The following LRMDA variants were observed in gnomAD, a reference collection of about 807,000 sequenced individuals.
The protein encoded by LRMDA is leucine-rich melanocyte differentiation-associated protein.
LRMDA carries 18 observed loss-of-function variants against 29.8 expected under a neutral mutation model. The ratio of observed to expected loss-of-function variants is 0.60; its 90% CI spans 0.42 to 0.90. LRMDA has a LOEUF of 0.90. LRMDA is among the 40% of genes least tolerant of loss of function. The pLI, the probability that LRMDA is intolerant of heterozygous loss-of-function variation, is 0.00. For synonymous variants in LRMDA, 125 were observed against 109.4 expected (o/e 1.14, Z -0.89); for missense variants, 273 against 273.9 (o/e 1.00, Z 0.02).
chr10:75,493,272 G>A lies in LRMDA; in HGVS notation c.131+54778G>A, dbSNP rs111658030. Among the ~76,000 whole-genome samples the A allele has an allele frequency of 2.0e-5, 3 of 151,990 alleles. 1 individual carries two copies. The highest frequency in any genetic ancestry group is 7.2e-5 in the African/African-American group (3 of 41,434). ...TTGGAGAACAAGTTTTCCTAGGTTGGGAAGTGAGCGGAATTCTTACAAGTT... is the reference window on the plus strand; with the variant it reads ...TTGGAGAACAAGTTTTCCTAGGTTGAGAAGTGAGCGGAATTCTTACAAGTT... On this transcript the variant is annotated intron_variant, in intron 2 of 6. Coordinates refer to ENST00000611255, the MANE Select transcript of LRMDA (RefSeq NM_001305581.2).
chr10:75,814,351 C>A (rs1844019746), intron 2 of LRMDA, among the ~76,000 whole-genome samples: 1 of 152,176 alleles, frequency 6.6e-6, no homozygotes. Flanking sequence ...GCTTGTTTCC[C>A]TGGGTGGTAC....
At chr10:76,210,032 C>G (rs1851607961) in intron 5 of LRMDA, among the ~76,000 whole-genome samples, 1 of 152,186 alleles carries the variant, frequency 6.6e-6, no homozygotes, top group Non-Finnish European at 1.5e-5. Context: ...AGATTTACCA[C>G]CTTCTCCCCA....
At chr10:75,702,333 G>A (rs1184594242) in intron 2 of LRMDA, among the ~76,000 whole-genome samples, 1 of 152,196 alleles carries the variant, frequency 6.6e-6, no homozygotes. Flanking sequence ...GATAGATGAA[G>A]CTTTTCAAGA....
intron 6 of LRMDA, among the ~76,000 whole-genome samples, chr10:76,525,862 G>A (rs547354344): frequency 6.6e-6 from 1 of 152,098 alleles, no homozygotes; most frequent in South Asian, 2.1e-4. Flanking sequence ...TGACCTGTTT[G>A]TCTCTGTATC....
chr10:75,591,241 C>T (rs1289663691), intron 2 of LRMDA, among the ~76,000 whole-genome samples: 1 of 152,168 alleles, frequency 6.6e-6, no homozygotes, highest in Non-Finnish European at 1.5e-5. Context: ...CCCCCCACCC[C>T]ATAATCTGAT....
chr10:76,302,420 A>AT (rs1840492683), intron 5 of LRMDA, among the ~76,000 whole-genome samples: 1 of 152,104 alleles, frequency 6.6e-6, no homozygotes, highest in Non-Finnish European at 1.5e-5. Flanking sequence ...GGTCACTTCC[A>AT]TTTTGTGTTT....
intron 6 of LRMDA, among the ~76,000 whole-genome samples, chr10:76,392,532 A>G (rs1841734852): frequency 6.6e-6 from 1 of 152,062 alleles, no homozygotes; most frequent in Non-Finnish European, 1.5e-5. Flanking sequence ...CAGATCTGAA[A>G]ATCAAAAATC....
intron 2 of LRMDA, among the ~76,000 whole-genome samples, chr10:75,991,074 A>C (rs999528586): frequency 6.6e-6 from 1 of 152,212 alleles, no homozygotes; most frequent in African/African-American, 2.4e-5. Flanking sequence ...GAATTGTAAT[A>C]AATAATCTAC....
At chr10:75,523,323 A>G (rs1422197518) in intron 2 of LRMDA, among the ~76,000 whole-genome samples, 1 of 152,152 alleles carries the variant, frequency 6.6e-6, no homozygotes, top group African/African-American at 2.4e-5. Flanking sequence ...GTCATCCCAT[A>G]ACTACATGGT....
chr10:76,418,019 T>A (rs1440685345), intron 6 of LRMDA, among the ~76,000 whole-genome samples: 1 of 152,172 alleles, frequency 6.6e-6, no homozygotes, highest in South Asian at 2.1e-4. Context: ...CTCTTCTGGG[T>A]CAATGCCCTT....
At chr10:75,810,971 G>A (rs1843949572) in intron 2 of LRMDA, among the ~76,000 whole-genome samples, 4 of 152,066 alleles carry the variant, frequency 2.6e-5, no homozygotes, top group Non-Finnish European at 4.4e-5. Flanking sequence ...CTTGCCCAAG[G>A]TCACACAGCC....
intron 5 of LRMDA, among the ~76,000 whole-genome samples, chr10:76,246,516 T>G (rs1412221159): frequency 6.7e-6 from 1 of 150,306 alleles, no homozygotes; most frequent in Non-Finnish European, 1.5e-5. Flanking sequence ...ATGTCTTCCC[T>G]GGGGCAAGCA....
intron 4 of LRMDA, among the ~76,000 whole-genome samples, chr10:76,051,377 ATGC>A (rs1000429723): frequency 6.6e-6 from 1 of 152,234 alleles, no homozygotes; most frequent in African/African-American, 2.4e-5. Context: ...GACTTCAAAC[ATGC>A]TGCCGGTGAA....
chr10:76,524,154 T>C, intron 6 of LRMDA, among the ~76,000 whole-genome samples: 1 of 152,240 alleles, frequency 6.6e-6, no homozygotes, highest in Non-Finnish European at 1.5e-5. Context: ...CCATGTATCA[T>C]AATGACAGGT....
intron 2 of LRMDA, among the ~76,000 whole-genome samples, chr10:75,615,362 T>G (rs1227958248): frequency 6.6e-6 from 1 of 152,212 alleles, no homozygotes; most frequent in Admixed American, 6.5e-5. Context: ...TTTTGGAATG[T>G]TTGCATTATA....
chr10:76,261,064 CTTTTTT>C (rs58554883), intron 5 of LRMDA, among the ~76,000 whole-genome samples: 9 of 117,734 alleles, frequency 7.6e-5, no homozygotes, highest in Non-Finnish European at 1.3e-4. Context: ...CTTTTCTTTT[CTTTTTT>C]TTTTTTTTTT....
intron 2 of LRMDA, among the ~76,000 whole-genome samples, chr10:75,794,265 A>T (rs578034337): frequency 2.0e-5 from 3 of 152,256 alleles, no homozygotes; most frequent in Non-Finnish European, 2.9e-5. Context: ...TAATAAATAT[A>T]TACATATTAA....
intron 5 of LRMDA, among the ~76,000 whole-genome samples, chr10:76,175,205 C>T (rs1850911451): frequency 6.6e-6 from 1 of 152,204 alleles, no homozygotes; most frequent in Non-Finnish European, 1.5e-5. Context: ...TGCATGGTGG[C>T]TGTGGTGGTA....
intron 2 of LRMDA, among the ~76,000 whole-genome samples, chr10:75,870,998 T>A (rs1267852921): frequency 6.6e-6 from 1 of 152,198 alleles, no homozygotes; most frequent in African/African-American, 2.4e-5. Flanking sequence ...TCCAAATAGT[T>A]TATCAGTTGC....
Sources: allele counts gnomAD v4.1 joint callset (sites outside exome capture counted in the v4.1 genomes callset), GRCh38; gene constraint gnomAD v4.1.1; transcripts MANE v1.5; gene names NCBI Gene and HGNC (gene_info 2026-07-23, HGNC 2026-07-21).